Variants in PTPRG observed in about 807,000 individuals in gnomAD.
PTPRG encodes receptor-type tyrosine-protein phosphatase gamma.
PTPRG carries 102 observed loss-of-function variants against 165.3 expected under a neutral mutation model. The observed-to-expected ratio is 0.62, with a 90% CI of 0.53 to 0.73. The LOEUF (loss-of-function observed/expected upper bound fraction) is 0.73. Among genes scored for constraint, PTPRG ranks in the 30% least tolerant of loss-of-function variants. The probability of loss-of-function intolerance (pLI) is 0.00; values close to 1 mark genes in which losing one functional copy is unlikely to be tolerated. For synonymous variants in PTPRG, 675 were observed against 669.5 expected (o/e 1.01, Z -0.13); for missense variants, 1,866 against 1,861.4 (o/e 1.00, Z -0.05).
At chr3:61,861,805 A>T (rs1262424664) in intron 2 of PTPRG, among the ~76,000 whole-genome samples, 3 of 152,190 alleles carry the variant, frequency 2.0e-5, no homozygotes, top group Non-Finnish European at 4.4e-5. Flanking sequence ...ATGCATGCCG[A>T]TGCCCGTGGG....
At chr3:61,664,540 G>T (rs978324112) in intron 1 of PTPRG, among the ~76,000 whole-genome samples, 1 of 152,216 alleles carries the variant, frequency 6.6e-6, no homozygotes, top group African/African-American at 2.4e-5. Context: ...ATTTAAAAAT[G>T]CATTGTAAAG....
At chr3:61,706,822 A>G (rs2031289060) in intron 1 of PTPRG, among the ~76,000 whole-genome samples, 1 of 152,076 alleles carries the variant, frequency 6.6e-6, no homozygotes, top group Non-Finnish European at 1.5e-5. Context: ...TTAACTAGAA[A>G]GCAATATATG....
intron 8 of PTPRG, among the ~76,000 whole-genome samples, chr3:62,176,394 C>T (rs935179762): frequency 1.3e-5 from 2 of 152,148 alleles, no homozygotes. Flanking sequence ...CAGACGTGAA[C>T]CAAGATCCTC....
chr3:62,051,136 C>T (rs992784210), intron 4 of PTPRG, among the ~76,000 whole-genome samples: 1 of 152,184 alleles, frequency 6.6e-6, no homozygotes, highest in African/African-American at 2.4e-5. Flanking sequence ...CCTGGTCTAC[C>T]TCATCAGGCT....
chr3:61,638,747 C>T (rs1162133806), intron 1 of PTPRG, among the ~76,000 whole-genome samples: 1 of 151,734 alleles, frequency 6.6e-6, no homozygotes, highest in African/African-American at 2.4e-5. Context: ...CTTGCCATGC[C>T]TACTTTTTAA....
At chr3:62,241,065 G>C (rs180788972) in intron 14 of PTPRG, among the ~76,000 whole-genome samples, 231 of 152,236 alleles carry the variant, frequency 1.5e-3, no homozygotes, top group Non-Finnish European at 2.6e-3. Context: ...AATATTAATA[G>C]TGATCATCAC....
chr3:62,136,997 A>G, intron 6 of PTPRG, among the ~76,000 whole-genome samples: 1 of 152,274 alleles, frequency 6.6e-6, no homozygotes, highest in East Asian at 1.9e-4. Flanking sequence ...TCATTTGTCT[A>G]GGCAAATTGT....
intron 1 of PTPRG, among the ~76,000 whole-genome samples, chr3:61,683,507 C>T (rs1248949281): frequency 2.0e-5 from 3 of 152,218 alleles, no homozygotes; most frequent in Admixed American, 2.0e-4. Flanking sequence ...CCTCTCTACA[C>T]TTAACAGCTC....
intron 2 of PTPRG, among the ~76,000 whole-genome samples, chr3:61,897,597 G>C (rs552859764): frequency 9.9e-5 from 15 of 152,142 alleles, no homozygotes; most frequent in Non-Finnish European, 2.1e-4. Context: ...AAGTTTTATA[G>C]TCTTGTGGAT....
chr3:61,823,864 C>T lies in PTPRG; in HGVS notation c.190+74882C>T, dbSNP rs143253399. On this transcript the variant is annotated intron_variant, in intron 2 of 29. Transcript: ENST00000474889. ...TGATGAAGCTGGGTGCAGTGGCTCA[C>T]GCCTGTAATCCCAGGACTTTGGGAG... Among the ~76,000 whole-genome samples the T allele has an allele frequency of 4.2e-3, 645 of 152,208 alleles. 7 individuals carry two copies. The highest frequency in any genetic ancestry group is 0.015 in the African/African-American group (613 of 41,544).
intron 2 of PTPRG, among the ~76,000 whole-genome samples, chr3:61,896,382 A>T (rs2038354413): frequency 6.6e-6 from 1 of 152,160 alleles, no homozygotes; most frequent in Non-Finnish European, 1.5e-5. Context: ...TGTGTATATC[A>T]GTGTTTGTTC....
At chr3:62,058,345 A>AT (rs1177237743) in intron 4 of PTPRG, among the ~76,000 whole-genome samples, 2 of 148,372 alleles carry the variant, frequency 1.3e-5, no homozygotes, top group Non-Finnish European at 1.5e-5. Context: ...TATTATTATT[A>AT]TTTTTTTTAG....
At chr3:62,047,732 T>C (rs1445346522) in intron 4 of PTPRG, among the ~76,000 whole-genome samples, 2 of 152,220 alleles carry the variant, frequency 1.3e-5, no homozygotes, top group East Asian at 3.8e-4. Flanking sequence ...TCCTCAGAGA[T>C]AGTACATGCC....
chr3:61,715,430 G>A (rs6808343), intron 1 of PTPRG, among the ~76,000 whole-genome samples: 9,228 of 152,114 alleles, frequency 0.061, 496 homozygotes, highest in African/African-American at 0.14. Context: ...TGTTGCCCAG[G>A]CTGGTCTTGA....
intron 5 of PTPRG, among the ~76,000 whole-genome samples, chr3:62,114,061 G>T (rs1044496370): frequency 6.6e-6 from 1 of 152,202 alleles, no homozygotes; most frequent in African/African-American, 2.4e-5. Context: ...CACTTTGGGA[G>T]GCCAAGGTGG....
chr3:61,664,817 C>G (rs929597608), intron 1 of PTPRG, among the ~76,000 whole-genome samples: 1 of 151,760 alleles, frequency 6.6e-6, no homozygotes, highest in Non-Finnish European at 1.5e-5. Context: ...GGCGACAGAG[C>G]CAGATCCTGT....
In PTPRG at chr3:61,694,369, T is replaced by C. The variant is rs370157826; in HGVS notation, c.86-54509T>C. 5.9e-5 allele frequency among the ~76,000 whole-genome samples: 9 copies of C among 152,330 alleles called. No homozygotes were observed. In the East Asian group the frequency reaches 9.7e-4, roughly 16 times the overall value. The stretch of plus-strand genomic sequence containing the variant: ...ACAGTGAGGTAACACTATCTCATGT[T>C]GATTGGCGAAGATCAAAATGTTTGA... On this transcript the variant is annotated intron_variant, in intron 1 of 29. Coordinates refer to ENST00000474889, the MANE Select transcript of PTPRG (RefSeq NM_002841.4).
At chr3:61,736,735 G>A (rs2032738769) in intron 1 of PTPRG, among the ~76,000 whole-genome samples, 1 of 152,136 alleles carries the variant, frequency 6.6e-6, no homozygotes, top group Non-Finnish European at 1.5e-5. Flanking sequence ...TCGGAGTGAG[G>A]AGCCACTGTT....
Position 62,157,059 on chromosome 3 carries a change from C to G in PTPRG, c.683-8C>G. 6.3e-7 allele frequency: 1 copy of G among 1,593,516 alleles called. No homozygotes were observed. Among genetic ancestry groups the G allele is most frequent in the African/African-American group, 1.3e-5 (1 of 74,558 alleles). Reference sequence around the variant, plus strand: ...TTGTGCTTTTCTTTTCCCTTTTTCCCCAAACAGAGAAGGAGACCTTTCTGG... The same window carrying G: ...TTGTGCTTTTCTTTTCCCTTTTTCCGCAAACAGAGAAGGAGACCTTTCTGG... On this transcript the variant is annotated splice_polypyrimidine_tract_variant and splice_region_variant and intron_variant, in intron 6 of 29. Transcript: ENST00000474889.
Sources: allele counts gnomAD v4.1 joint callset (sites outside exome capture counted in the v4.1 genomes callset), GRCh38; gene constraint gnomAD v4.1.1; transcripts MANE v1.5; gene names NCBI Gene and HGNC (gene_info 2026-07-23, HGNC 2026-07-21).